The following CENPP variants were observed in gnomAD, a reference collection of about 807,000 sequenced individuals.
CENPP encodes centromere protein P.
In CENPP, 24 loss-of-function variants were observed where a neutral mutation model predicts 35.6. The ratio of observed to expected loss-of-function variants is 0.67; its 90% CI spans 0.49 to 0.95. The LOEUF (loss-of-function observed/expected upper bound fraction) is 0.95, where lower values mean the gene tolerates loss of function less well. Among genes scored for constraint, CENPP ranks in the 40% least tolerant of loss-of-function variants. The probability of loss-of-function intolerance (pLI) is 0.00; values close to 1 mark genes in which losing one functional copy is unlikely to be tolerated. For synonymous variants in CENPP, 120 were observed against 125.5 expected, an observed-to-expected ratio of 0.96 and a Z score of 0.29; for missense variants, 332 against 345.3, an observed-to-expected ratio of 0.96 and a Z score of 0.31.
intron 5 of CENPP, among the ~76,000 whole-genome samples, chr9:92,598,477 G>A (rs374514783): frequency 2.6e-5 from 4 of 152,174 alleles, no homozygotes; most frequent in African/African-American, 9.7e-5. Flanking sequence ...ATTACATGGG[G>A]AAATAACTTG....
Position 92,493,906 on chromosome 9 carries a change from C to T in CENPP, c.564+114047C>T. 6.6e-6 allele frequency: 3 copies of T among 451,688 alleles called. 1 individual carries two copies. The highest frequency in any genetic ancestry group is 1.2e-5 in the Non-Finnish European group (3 of 254,578). 28.0% of individuals were successfully genotyped at this position (451,688 alleles called of 1,614,324 possible). A position where few individuals can be genotyped will look rare whatever the true frequency, so the allele number is the denominator to read the frequency against. ...AGAAGCGACATACACAGCAAGCCCA[C>T]AGTGCGTCTGCTCCACAGGCACCGG... On this transcript the variant is annotated intron_variant, in intron 5 of 7. Transcript: ENST00000375587.
At chr9:92,567,677 T>G (rs1436635939) in intron 5 of CENPP, among the ~76,000 whole-genome samples, 1 of 152,102 alleles carries the variant, frequency 6.6e-6, no homozygotes, top group Non-Finnish European at 1.5e-5. Flanking sequence ...TTGTAGCTTG[T>G]GTTTTGGGAC....
chr9:92,469,779 G>A (rs557945470), intron 5 of CENPP, among the ~76,000 whole-genome samples: 6 of 151,026 alleles, frequency 4.0e-5, no homozygotes, highest in African/African-American at 9.6e-5. Flanking sequence ...AGGCGGTGGC[G>A]GGGGAAATGA....
chr9:92,345,838 C>T, intron 4 of CENPP, 51 bp downstream of exon 4: 1 of 1,096,922 alleles, frequency 9.1e-7, no homozygotes. Context: ...TAAATTTACA[C>T]TTTACAGTTT....
chr9:92,580,818 T>C (rs1413050837), intron 5 of CENPP, among the ~76,000 whole-genome samples: 2 of 152,388 alleles, frequency 1.3e-5, no homozygotes, highest in East Asian at 1.9e-4. Context: ...CTGCTCTGAT[T>C]TTAGTTATTT....
chr9:92,533,314 A>ATATATAT (rs1848934895), intron 5 of CENPP, among the ~76,000 whole-genome samples: 5 of 95,022 alleles, frequency 5.3e-5, no homozygotes, highest in African/African-American at 2.2e-4. Context: ...AAAAAAAAAA[A>ATATATAT]AAAAAAAAAA....
intron 5 of CENPP, among the ~76,000 whole-genome samples, chr9:92,412,975 CTTTTTTTTTTTTT>C (rs35323105): frequency 8.8e-5 from 4 of 45,246 alleles, no homozygotes; most frequent in African/African-American, 2.0e-4. Context: ...TGTAACTAAG[CTTTTTTTTTTTTT>C]TTTTTTTTTT....
intron 5 of CENPP, among the ~76,000 whole-genome samples, chr9:92,511,545 A>G (rs1563976740): frequency 6.6e-6 from 1 of 151,154 alleles, no homozygotes; most frequent in East Asian, 2.0e-4. Context: ...TAATTTTTAT[A>G]TGAGCCTATT....
chr9:92,574,477 T>C (rs1850230503), intron 5 of CENPP, among the ~76,000 whole-genome samples: 2 of 152,060 alleles, frequency 1.3e-5, no homozygotes, highest in South Asian at 4.2e-4. Context: ...AACAATTTTG[T>C]TACAATAGCA....
rs555964767 is a variant in CENPP, at chr9:92,489,005, C to T, written c.564+109146C>T. Among the ~76,000 whole-genome samples, 11 of 152,312 alleles carry T rather than the reference C, an allele frequency of 7.2e-5. No homozygotes were observed. In the South Asian group the frequency reaches 2.1e-3, roughly 29 times the overall value. ...TCATACAGAAAAGGGAACATAACTT[C>T]ACAGAAGAAATGGTCATGCCTTTAT... On this transcript the variant is annotated intron_variant, in intron 5 of 7. Coordinates refer to ENST00000375587, the MANE Select transcript of CENPP (RefSeq NM_001012267.3).
Position 92,358,178 on chromosome 9 carries a change from C to T in CENPP, c.467+12391C>T, listed in dbSNP as rs568340662. ...CCTCTCTTTTTTTTTTTTTCTGAGA[C>T]TCCTACAGTGCAGAAGTTGGTAGTT... On this transcript the variant is annotated intron_variant, in intron 4 of 7. Transcript: ENST00000375587. 1.3e-4 allele frequency among the ~76,000 whole-genome samples: 19 copies of T among 149,720 alleles called. 2 individuals carry two copies. The East Asian group carries it at 3.7e-3, about 29-fold the overall frequency.
At chr9:92,519,060 T>C (rs1293165294) in intron 5 of CENPP, among the ~76,000 whole-genome samples, 1 of 152,112 alleles carries the variant, frequency 6.6e-6, no homozygotes, top group East Asian at 1.9e-4. Context: ...CAGATAACTT[T>C]CCTCCATCTG....
chr9:92,325,920 C>T (rs1840455799), upstream of CENPP: 1 of 1,267,280 alleles, frequency 7.9e-7, no homozygotes, highest in African/African-American at 1.5e-5. Context: ...GGAGCGCGCG[C>T]GAGGCTTGAA....
chr9:92,565,578 A>G (rs971305295), intron 5 of CENPP, among the ~76,000 whole-genome samples: 2 of 152,204 alleles, frequency 1.3e-5, no homozygotes, highest in South Asian at 2.1e-4. Flanking sequence ...TATCCTTCAA[A>G]TATCAGAGAT....
chr9:92,391,565 C>T (rs1251664095), intron 5 of CENPP, among the ~76,000 whole-genome samples: 8 of 152,180 alleles, frequency 5.3e-5, no homozygotes, highest in African/African-American at 1.9e-4. Context: ...CACCACTGCA[C>T]TTCAGCCTGG....
At chr9:92,538,370 C>T (rs1849239127) in intron 5 of CENPP, among the ~76,000 whole-genome samples, 1 of 152,086 alleles carries the variant, frequency 6.6e-6, no homozygotes, top group African/African-American at 2.4e-5. Context: ...TACTAGAGAA[C>T]AAATTGGAAG....
intron 5 of CENPP, among the ~76,000 whole-genome samples, chr9:92,590,953 A>G (rs745833700): frequency 6.6e-6 from 1 of 152,246 alleles, no homozygotes; most frequent in African/African-American, 2.4e-5. Context: ...ATAGAGAAGT[A>G]TTAAACAATT....
At chr9:92,378,711 G>C (rs1010283157) in intron 4 of CENPP, among the ~76,000 whole-genome samples, 1 of 152,112 alleles carries the variant, frequency 6.6e-6, no homozygotes, top group African/African-American at 2.4e-5. Context: ...AGTTACTTGT[G>C]GTGTATGTGG....
At chr9:92,404,836 T>A (rs1192978270) in intron 5 of CENPP, 1 of 260,616 alleles carries the variant, frequency 3.8e-6, no homozygotes, top group Admixed American at 6.4e-5. Context: ...TATTAGTTTA[T>A]GAAAAATGAT....
Sources: allele counts gnomAD v4.1 joint callset (sites outside exome capture counted in the v4.1 genomes callset), GRCh38; gene constraint gnomAD v4.1.1; transcripts MANE v1.5; gene names NCBI Gene and HGNC (gene_info 2026-07-23, HGNC 2026-07-21).